Variants in GALNT17 observed in about 807,000 individuals in gnomAD.
GALNT17 encodes the protein polypeptide N-acetylgalactosaminyltransferase 17, also known as UDP-GalNAc:polypeptide N-acetylgalactosaminyltransferase-like 3.
A neutral mutation model predicts 63.7 loss-of-function variants in GALNT17; 29 were observed. That is an observed-to-expected ratio of 0.46 (90% CI 0.34 to 0.62). The LOEUF (loss-of-function observed/expected upper bound fraction) is 0.62, where lower values mean the gene tolerates loss of function less well. Ranked by LOEUF, GALNT17 falls within the 20% of genes least tolerant of loss-of-function variation. The probability of loss-of-function intolerance (pLI) is 0.01; values close to 1 mark genes in which losing one functional copy is unlikely to be tolerated. For missense variants in GALNT17, 603 were observed against 799.6 expected (o/e 0.75, Z 2.97); for synonymous variants, 305 against 318.3 (o/e 0.96, Z 0.45).
chr7:71,257,222 G>A (rs773627769), intron 1 of GALNT17, among the ~76,000 whole-genome samples: 24 of 151,788 alleles, frequency 1.6e-4, no homozygotes, highest in Non-Finnish European at 2.8e-4. Context: ...AATTCATTCT[G>A]CATCCTCATT....
intron 5 of GALNT17, among the ~76,000 whole-genome samples, chr7:71,569,698 G>C (rs1789405761): frequency 6.6e-6 from 1 of 152,166 alleles, no homozygotes; most frequent in Admixed American, 6.5e-5. Flanking sequence ...CTGCAGCAAA[G>C]GGCATGATAT....
intron 5 of GALNT17, among the ~76,000 whole-genome samples, chr7:71,488,574 C>CTT (rs965444360): frequency 0.043 from 4,353 of 100,434 alleles, 115 homozygotes; most frequent in Non-Finnish European, 0.064. Context: ...ACTTGCCCTT[C>CTT]TTTTTTTTTT....
chr7:71,409,597 G>A (rs1366279059), intron 3 of GALNT17, among the ~76,000 whole-genome samples: 1 of 152,176 alleles, frequency 6.6e-6, no homozygotes, highest in Non-Finnish European at 1.5e-5. Flanking sequence ...ACTTGGCCAA[G>A]TCCTGGACTG....
Position 71,196,099 on chromosome 7 carries a change from G to T in GALNT17, c.238+63059G>T, listed in dbSNP as rs1789043601. ...CCTCCAGACCTCCTCCCATGTGCCTGTTCCCTCTCTTGCTGCTTTTTATTT... is the reference window on the plus strand; with the variant it reads ...CCTCCAGACCTCCTCCCATGTGCCTTTTCCCTCTCTTGCTGCTTTTTATTT... On this transcript the variant is annotated intron_variant, in intron 1 of 10. Coordinates refer to ENST00000333538, the MANE Select transcript of GALNT17 (RefSeq NM_022479.3). 1.3e-5 allele frequency among the ~76,000 whole-genome samples: 2 copies of T among 151,978 alleles called. 1 individual carries two copies. The highest frequency in any genetic ancestry group is 4.2e-4 in the South Asian group (2 of 4,806).
At chr7:71,141,240 G>T (rs181111572) in intron 1 of GALNT17, among the ~76,000 whole-genome samples, 2 of 151,990 alleles carry the variant, frequency 1.3e-5, no homozygotes, top group Non-Finnish European at 2.9e-5. Context: ...GGTGGCAAGC[G>T]CCTGTAATCC....
intron 1 of GALNT17, among the ~76,000 whole-genome samples, chr7:71,173,916 G>A (rs917650866): frequency 2.6e-5 from 4 of 152,184 alleles, no homozygotes; most frequent in Non-Finnish European, 5.9e-5. Context: ...GCAGTTGAAT[G>A]CATGAGTCTG....
intron 6 of GALNT17, among the ~76,000 whole-genome samples, chr7:71,644,546 A>AAAAAAC (rs1790648470): frequency 1.4e-4 from 14 of 100,140 alleles, no homozygotes; most frequent in East Asian, 2.8e-4. Context: ...AAAAAAAAAA[A>AAAAAAC]AAACAAAAGA....
intron 5 of GALNT17, among the ~76,000 whole-genome samples, chr7:71,436,028 G>GAAA (rs71089944): frequency 5.8e-5 from 8 of 137,316 alleles, no homozygotes; most frequent in Admixed American, 7.2e-5. Flanking sequence ...TCAAAAAAAA[G>GAAA]AAAAAAAAAA....
At chr7:71,563,549 G>T (rs1049395026) in intron 5 of GALNT17, among the ~76,000 whole-genome samples, 1 of 152,036 alleles carries the variant, frequency 6.6e-6, no homozygotes, top group Non-Finnish European at 1.5e-5. Flanking sequence ...CGCCAGCAAC[G>T]CTGACTGGCC....
intron 5 of GALNT17, among the ~76,000 whole-genome samples, chr7:71,443,360 C>A (rs1787102295): frequency 6.6e-6 from 1 of 152,116 alleles, no homozygotes; most frequent in Admixed American, 6.6e-5. Context: ...ATATTTGTCG[C>A]TTCCGAATCT....
chr7:71,251,664 G>T (rs953655040), intron 1 of GALNT17, among the ~76,000 whole-genome samples: 1 of 152,068 alleles, frequency 6.6e-6, no homozygotes, highest in Non-Finnish European at 1.5e-5. Flanking sequence ...CTCTCTTCCC[G>T]GAGTGCTGAG....
chr7:71,551,407 T>C (rs1789073567), intron 5 of GALNT17, among the ~76,000 whole-genome samples: 1 of 152,238 alleles, frequency 6.6e-6, no homozygotes, highest in Non-Finnish European at 1.5e-5. Flanking sequence ...TGTTTTCCAA[T>C]AAGTCTGATA....
chr7:71,321,418 G>A (rs1791602978), intron 1 of GALNT17, among the ~76,000 whole-genome samples: 1 of 152,154 alleles, frequency 6.6e-6, no homozygotes, highest in Non-Finnish European at 1.5e-5. Context: ...GGGGATATTT[G>A]TGGCAATGTT....
chr7:71,548,790 C>T (rs903169772), intron 5 of GALNT17, among the ~76,000 whole-genome samples: 1 of 152,160 alleles, frequency 6.6e-6, no homozygotes, highest in Non-Finnish European at 1.5e-5. Flanking sequence ...TTCCTCAGAG[C>T]GGACACCTCC....
chr7:71,373,932 C>G (rs973034706), intron 2 of GALNT17, among the ~76,000 whole-genome samples: 2 of 152,276 alleles, frequency 1.3e-5, no homozygotes, highest in East Asian at 3.9e-4. Flanking sequence ...TCTGGGTTTC[C>G]TTATACCCTT....
intron 2 of GALNT17, among the ~76,000 whole-genome samples, chr7:71,346,269 T>A (rs1450266995): frequency 6.6e-6 from 1 of 152,014 alleles, no homozygotes; most frequent in Non-Finnish European, 1.5e-5. Context: ...TCAAAAATTC[T>A]ATGTTAAACT....
chr7:71,457,790 T>A (rs180980154), intron 5 of GALNT17, among the ~76,000 whole-genome samples: 251 of 152,302 alleles, frequency 1.6e-3, no homozygotes, highest in Middle Eastern at 6.8e-3. Flanking sequence ...ATGACCTGTA[T>A]CTTGTGCCGA....
intron 1 of GALNT17, among the ~76,000 whole-genome samples, chr7:71,329,948 T>C (rs12699018): frequency 7.2e-6 from 1 of 139,360 alleles, no homozygotes; most frequent in Non-Finnish European, 1.6e-5. Context: ...TATACACACA[T>C]ATGTGTGTGT....
At chr7:71,676,586 A>G (rs1371753054) in intron 8 of GALNT17, among the ~76,000 whole-genome samples, 2 of 151,814 alleles carry the variant, frequency 1.3e-5, no homozygotes, top group Admixed American at 1.3e-4. Flanking sequence ...GGGCCTCGCT[A>G]TGTTGCCCAT....
Sources: allele counts gnomAD v4.1 joint callset (sites outside exome capture counted in the v4.1 genomes callset), GRCh38; gene constraint gnomAD v4.1.1; transcripts MANE v1.5; gene names NCBI Gene and HGNC (gene_info 2026-07-23, HGNC 2026-07-21).